Variants in RBCK1 observed in about 807,000 individuals in gnomAD.
RBCK1 encodes ranBP-type and C3HC4-type zinc finger-containing protein 1.
In RBCK1, 44 loss-of-function variants were observed where a neutral mutation model predicts 71.1. The ratio of observed to expected loss-of-function variants is 0.62; its 90% confidence interval spans 0.49 to 0.80. The LOEUF is 0.80. RBCK1 is among the 30% of genes least tolerant of loss of function. The probability of loss-of-function intolerance (pLI) is 0.00; values close to 1 mark genes in which losing one functional copy is unlikely to be tolerated. For missense variants in RBCK1, 569 were observed against 685.0 expected (o/e 0.83, Z 1.89); for synonymous variants, 306 against 279.7 (o/e 1.09, Z -0.94).
At chr20:412,691 C>T (rs1407293861) in intron 2 of RBCK1, among the ~76,000 whole-genome samples, 4 of 152,170 alleles carry the variant, frequency 2.6e-5, no homozygotes, top group Non-Finnish European at 5.9e-5. Context: ...TTCATTTTAG[C>T]TTATCAGCTA....
chr20:425,206 T>A (rs1025478150), intron 8 of RBCK1, among the ~76,000 whole-genome samples: 5 of 152,186 alleles, frequency 3.3e-5, no homozygotes, highest in African/African-American at 1.2e-4. Context: ...AGACGAGTTT[T>A]CACCATGTTG....
At position 415,239 on chromosome 20, in the gene RBCK1, G is replaced by A. The variant is rs113524043; in HGVS notation, c.168-2287G>A. 3.2e-3 allele frequency among the ~76,000 whole-genome samples: 494 copies of A among 152,034 alleles called. 1 individual carries two copies. The highest frequency in any genetic ancestry group is 5.6e-3 in the Non-Finnish European group (379 of 67,968). ...AAACATTAGCTAGGCATGGTGGTGCGCCCATCTAGTCCCAGCTACCCAGGA... is the reference window on the plus strand; with the variant it reads ...AAACATTAGCTAGGCATGGTGGTGCACCCATCTAGTCCCAGCTACCCAGGA... On this transcript the variant is annotated intron_variant, in intron 2 of 11. Transcript: ENST00000356286.
At chr20:419,230 A>G in intron 4 of RBCK1, 117 bp from the exon 5 acceptor site, 1 of 1,390,608 alleles carries the variant, frequency 7.2e-7, no homozygotes, top group Non-Finnish European at 9.8e-7. Context: ...AGGTACCCCC[A>G]GGGAGGAGGG....
intron 4 of RBCK1, among the ~76,000 whole-genome samples, chr20:418,186 T>A (rs1330897328): frequency 6.6e-6 from 1 of 152,224 alleles, no homozygotes; most frequent in East Asian, 1.9e-4. Flanking sequence ...TGGGCAAGGT[T>A]GCTCCTATCT....
intron 7 of RBCK1, among the ~76,000 whole-genome samples, chr20:421,287 C>G (rs535226172): frequency 4.1e-4 from 62 of 152,188 alleles, no homozygotes; most frequent in Non-Finnish European, 7.9e-4. Context: ...CTCCCTTCCC[C>G]TCTACCTTTC....
intron 2 of RBCK1, among the ~76,000 whole-genome samples, chr20:416,161 T>C (rs528639085): frequency 1.3e-5 from 2 of 151,410 alleles, no homozygotes; most frequent in East Asian, 3.9e-4. Flanking sequence ...TCACTTTTTT[T>C]TTTTTTTTTT....
chr20:425,042 A>G (rs1403054011), intron 8 of RBCK1, among the ~76,000 whole-genome samples: 2 of 150,162 alleles, frequency 1.3e-5, no homozygotes, highest in African/African-American at 2.5e-5. Flanking sequence ...ATGAAGTCTC[A>G]CTCTGTCATC....
In RBCK1 at chr20:421,047, C is replaced by T; in HGVS notation, c.917+16C>T. ...CCTTCTGCAGGTGCGGCCCCCAGTC[C>T]CACCCCCGGCAATGCAGCTTAATCA... On this transcript the variant is annotated intron_variant, in intron 7 of 11. Coordinates refer to ENST00000356286, the MANE Select transcript of RBCK1 (RefSeq NM_031229.4). 6.5e-7 allele frequency: 1 copy of T among 1,529,314 alleles called. No individual in the cohort carries two copies. The highest frequency in any genetic ancestry group is 8.8e-7 in the Non-Finnish European group (1 of 1,134,444). The allele number at this position is 1,529,314 out of a possible 1,614,324, so 94.7% of individuals were successfully genotyped here.
intron 2 of RBCK1, among the ~76,000 whole-genome samples, chr20:416,933 G>A (rs531840206): frequency 6.6e-6 from 1 of 152,186 alleles, no homozygotes; most frequent in Non-Finnish European, 1.5e-5. Context: ...ATACTGCAGT[G>A]AGCCAAGGTA....
intron 8 of RBCK1, among the ~76,000 whole-genome samples, chr20:423,448 C>G (rs893616294): frequency 3.3e-5 from 5 of 152,138 alleles, no homozygotes; most frequent in African/African-American, 1.2e-4. Context: ...AGTTGGCCCT[C>G]TGTATCTGTG....
At chr20:420,389 G>A (rs982923015) in intron 6 of RBCK1, 2 of 982,240 alleles carry the variant, frequency 2.0e-6, no homozygotes, top group Non-Finnish European at 2.4e-6. Context: ...CCTTGGACCC[G>A]GTGCTGCCCC....
At chr20:424,764 A>G (rs2122301444) in intron 8 of RBCK1, among the ~76,000 whole-genome samples, 1 of 152,328 alleles carries the variant, frequency 6.6e-6, no homozygotes, top group African/African-American at 2.4e-5. Flanking sequence ...GTTCATGCCA[A>G]AGGGCTGCAT....
chr20:420,830 G>GA, intron 6 of RBCK1, 41 bp from the exon 7 acceptor site: 1 of 1,444,656 alleles, frequency 6.9e-7, no homozygotes, highest in Non-Finnish European at 9.1e-7. Flanking sequence ...ACCCGCCCCC[G>GA]AGGCCCTGAC....
rs375413509 is a variant in RBCK1 at position 419,472 on chromosome 20, A to G, written c.582+4A>G. 6.9e-6 allele frequency: 11 copies of G among 1,605,750 alleles called. No individual in the cohort carries two copies. The highest frequency in any genetic ancestry group is 9.4e-6 in the Non-Finnish European group (11 of 1,176,188). ...TGCAGTGCCTGAGCCCCCACCGGTA[A>G]GCTGTCCTTGGCCTCAGTATCCTCT... On this transcript the variant is annotated splice_donor_region_variant and intron_variant, in intron 5 of 11. Transcript: ENST00000356286.
chr20:425,295 G>A (rs1167101739), intron 8 of RBCK1, among the ~76,000 whole-genome samples: 1 of 152,262 alleles, frequency 6.6e-6, no homozygotes, highest in East Asian at 1.9e-4. Flanking sequence ...ACAGGCGTGA[G>A]CCACCGTGCC....
Position 422,548 on chromosome 20 carries a change from G to A in RBCK1, c.1029+310G>A, listed in dbSNP as rs11906374. 0.39 allele frequency among the ~76,000 whole-genome samples: 59,527 copies of A among 151,880 alleles called. 12,527 individuals are homozygous for A. The highest frequency in any genetic ancestry group is 0.54 in the African/African-American group (22,232 of 41,396). On this transcript the variant is annotated intron_variant, in intron 8 of 11. Transcript: ENST00000356286. The surrounding 1 kb of genome is among the most constrained non-coding windows in gnomAD (Gnocchi z 5.0). ...CAGAGTTGTTAAGAATCAGGGACTC[G>A]GCTGGGCGTGGCAGCTCACACCTGT...
At chr20:424,705 G>A (rs2016612887) in intron 8 of RBCK1, among the ~76,000 whole-genome samples, 1 of 152,170 alleles carries the variant, frequency 6.6e-6, no homozygotes, top group Admixed American at 6.5e-5. Context: ...TTGCTTAGAG[G>A]TTTCCCTGTG....
chr20:408,564 G>C lies in RBCK1; in HGVS notation c.-194G>C. The C allele has an allele frequency of 4.3e-6, 3 of 697,262 alleles. No individual in the cohort carries two copies. In the South Asian group the frequency reaches 5.0e-5, roughly 12 times the overall value. The allele number at this position is 697,262 out of a possible 1,614,324, so 43.2% of individuals were successfully genotyped here. On this transcript the variant is annotated 5_prime_UTR_variant, in exon 1 of 12. Coordinates refer to ENST00000356286, the MANE Select transcript of RBCK1 (RefSeq NM_031229.4). ...CTCTCACCGCCCCACGCAGGATCCC[G>C]GCCTGGTCACCGGGCAGTGTGATGC... is the stretch of plus-strand genomic sequence containing the variant.
chr20:411,364 C>T (rs1001880144), intron 2 of RBCK1, among the ~76,000 whole-genome samples: 15 of 152,014 alleles, frequency 9.9e-5, no homozygotes, highest in Admixed American at 2.0e-4. Context: ...CCACCACACC[C>T]GGCTAATTTT....
Sources: gnomAD v4.1 joint callset for allele counts (sites outside exome capture counted in the v4.1 genomes callset) on GRCh38, gnomAD v4.1.1 for gene constraint, Gnocchi (gnomAD v3.1) non-coding constraint, MANE v1.5 for transcripts, NCBI Gene and HGNC (gene_info 2026-07-23, HGNC 2026-07-21) for gene names.